The following HS6ST3 variants were observed in gnomAD, a reference collection of about 807,000 sequenced individuals.
HS6ST3 encodes heparan-sulfate 6-O-sulfotransferase 3.
A neutral mutation model predicts 36.7 loss-of-function variants in HS6ST3; 12 were observed. The observed-to-expected ratio is 0.33, with a 90% CI of 0.21 to 0.53. The LOEUF is 0.53. Among genes scored for constraint, HS6ST3 ranks in the 20% least tolerant of loss-of-function variants. HS6ST3 has a pLI of 0.95. For missense variants in HS6ST3, 584 were observed against 640.9 expected (o/e 0.91, Z 0.96); for synonymous variants, 240 against 257.5 (o/e 0.93, Z 0.65).
chr13:96,750,233 T>C (rs1237542873), intron 1 of HS6ST3, among the ~76,000 whole-genome samples: 2 of 152,252 alleles, frequency 1.3e-5, no homozygotes, highest in Admixed American at 1.3e-4. Flanking sequence ...AAGTGTTAGT[T>C]ACATGGCCCA....
At chr13:96,136,957 G>A (rs899447204) in intron 1 of HS6ST3, among the ~76,000 whole-genome samples, 2 of 152,028 alleles carry the variant, frequency 1.3e-5, no homozygotes, top group Non-Finnish European at 2.9e-5. Flanking sequence ...AAAGGTCTGT[G>A]CATTGAATTG....
intron 1 of HS6ST3, among the ~76,000 whole-genome samples, chr13:96,342,258 C>T (rs1359158240): frequency 2.6e-5 from 4 of 152,138 alleles, no homozygotes; most frequent in Non-Finnish European, 4.4e-5. Flanking sequence ...GACTCAATGT[C>T]AGTTTGTGTT....
At chr13:96,201,537 A>G (rs2054341998) in intron 1 of HS6ST3, among the ~76,000 whole-genome samples, 1 of 152,212 alleles carries the variant, frequency 6.6e-6, no homozygotes, top group Admixed American at 6.5e-5. Context: ...TTCCTGTTGA[A>G]TTGGATTCCT....
At chr13:96,570,565 A>G (rs978333225) in intron 1 of HS6ST3, among the ~76,000 whole-genome samples, 3 of 152,240 alleles carry the variant, frequency 2.0e-5, no homozygotes, top group Admixed American at 2.0e-4. Context: ...TTTTCATCAT[A>G]CACAAATCTA....
intron 1 of HS6ST3, among the ~76,000 whole-genome samples, chr13:96,474,166 A>AT (rs1368131337): frequency 6.6e-6 from 1 of 151,834 alleles, no homozygotes; most frequent in Non-Finnish European, 1.5e-5. Flanking sequence ...CCCTCCTTCA[A>AT]TTTTTTTCCT....
At chr13:96,131,870 G>C (rs1261407253) in intron 1 of HS6ST3, among the ~76,000 whole-genome samples, 5 of 151,078 alleles carry the variant, frequency 3.3e-5, no homozygotes, top group Non-Finnish European at 7.4e-5. Context: ...AAATTGTTAG[G>C]AAGTTTTCAC....
rs368027184 is a variant in HS6ST3, at chr13:96,758,095, A to T, written c.708-74395A>T. ...TTTCTTTATGGAGATGTTTTTTATTATGAATTTAATTCCTTTAATATATGT... is the reference window on the plus strand; with the variant it reads ...TTTCTTTATGGAGATGTTTTTTATTTTGAATTTAATTCCTTTAATATATGT... On this transcript the variant is annotated intron_variant, in intron 1 of 1. Coordinates refer to ENST00000376705, the MANE Select transcript of HS6ST3 (RefSeq NM_153456.4). Among the ~76,000 whole-genome samples the T allele has an allele frequency of 1.0e-3, 158 of 152,060 alleles. 3 individuals are homozygous for T. In the South Asian group the frequency reaches 0.031, roughly 30 times the overall value.
At chr13:96,290,781 T>G (rs2054825916) in intron 1 of HS6ST3, among the ~76,000 whole-genome samples, 1 of 152,168 alleles carries the variant, frequency 6.6e-6, no homozygotes, top group African/African-American at 2.4e-5. Flanking sequence ...CTAAAGTCCT[T>G]AAAATGACCT....
At chr13:96,393,564 A>C (rs954258910) in intron 1 of HS6ST3, among the ~76,000 whole-genome samples, 2 of 152,348 alleles carry the variant, frequency 1.3e-5, no homozygotes, top group African/African-American at 2.4e-5. Flanking sequence ...GAACATAAAA[A>C]GTTTACTTGC....
chr13:96,327,313 G>A (rs2139418337), intron 1 of HS6ST3, among the ~76,000 whole-genome samples: 1 of 152,074 alleles, frequency 6.6e-6, no homozygotes, highest in Non-Finnish European at 1.5e-5. Context: ...ATGGTTTTAG[G>A]ACTAACGTTT....
chr13:96,146,946 T>A (rs2054060964), intron 1 of HS6ST3, among the ~76,000 whole-genome samples: 1 of 152,208 alleles, frequency 6.6e-6, no homozygotes, highest in African/African-American at 2.4e-5. Flanking sequence ...AAAAGAAGGT[T>A]GTTATACCAT....
At chr13:96,303,191 T>A (rs1477653525) in intron 1 of HS6ST3, among the ~76,000 whole-genome samples, 1 of 152,188 alleles carries the variant, frequency 6.6e-6, no homozygotes, top group African/African-American at 2.4e-5. Flanking sequence ...TTAACAGAAA[T>A]GTTGATGCCT....
chr13:96,242,119 G>T (rs958481617), intron 1 of HS6ST3, among the ~76,000 whole-genome samples: 1 of 151,888 alleles, frequency 6.6e-6, no homozygotes, highest in African/African-American at 2.4e-5. Flanking sequence ...AGAAGTGGGG[G>T]CCGGGCGCAT....
intron 1 of HS6ST3, among the ~76,000 whole-genome samples, chr13:96,818,726 A>G (rs772756291): frequency 6.6e-6 from 1 of 152,204 alleles, no homozygotes; most frequent in Non-Finnish European, 1.5e-5. Context: ...GCCAAGGTGA[A>G]GTGTTGAGCA....
chr13:96,610,641 A>T (rs933530442), intron 1 of HS6ST3, among the ~76,000 whole-genome samples: 2 of 152,230 alleles, frequency 1.3e-5, no homozygotes, highest in Non-Finnish European at 2.9e-5. Flanking sequence ...AAAGTATGTT[A>T]TCAAGATTCA....
chr13:96,581,039 A>G (rs1238192240), intron 1 of HS6ST3, among the ~76,000 whole-genome samples: 2 of 152,208 alleles, frequency 1.3e-5, no homozygotes, highest in Non-Finnish European at 2.9e-5. Context: ...CTTTAAACAG[A>G]AAAGTTAAAA....
chr13:96,511,628 T>A (rs571959217), intron 1 of HS6ST3, among the ~76,000 whole-genome samples: 1 of 151,840 alleles, frequency 6.6e-6, no homozygotes, highest in South Asian at 2.1e-4. Flanking sequence ...CTAGATATGA[T>A]TCCCTTGTTG....
chr13:96,164,311 G>A (rs935341151), intron 1 of HS6ST3, among the ~76,000 whole-genome samples: 6 of 151,996 alleles, frequency 3.9e-5, no homozygotes, highest in Non-Finnish European at 7.4e-5. Context: ...CAAGATTCTC[G>A]ACTTGGCCAA....
At chr13:96,481,830 C>T (rs191777535) in intron 1 of HS6ST3, among the ~76,000 whole-genome samples, 65 of 152,258 alleles carry the variant, frequency 4.3e-4, no homozygotes, top group Non-Finnish European at 6.8e-4. Context: ...AACTGGAAAG[C>T]GCTCGGAGCT....
Sources: gnomAD v4.1 joint callset for allele counts (sites outside exome capture counted in the v4.1 genomes callset) on GRCh38, gnomAD v4.1.1 for gene constraint, MANE v1.5 for transcripts, NCBI Gene and HGNC (gene_info 2026-07-23, HGNC 2026-07-21) for gene names.